Variants in IL1RAPL1 observed in about 807,000 individuals in gnomAD.
IL1RAPL1 encodes interleukin-1 receptor accessory protein-like 1.
IL1RAPL1 carries 3 observed loss-of-function variants against 48.4 expected under a neutral mutation model. That is an observed-to-expected ratio of 0.06 (90% confidence interval 0.03 to 0.16). IL1RAPL1 has a LOEUF of 0.16. Among genes scored for constraint, IL1RAPL1 ranks in the 10% least tolerant of loss-of-function variants. The pLI, the probability that IL1RAPL1 is intolerant of heterozygous loss-of-function variation, is 1.00. For missense variants in IL1RAPL1, 349 were observed against 530.6 expected (o/e 0.66, Z 3.36); for synonymous variants, 185 against 187.7 (o/e 0.99, Z 0.12).
At chrX:29,051,288 C>A (rs1398612395) in intron 2 of IL1RAPL1, among the ~76,000 whole-genome samples, 1 of 111,448 alleles carries the variant, frequency 9.0e-6, no homozygotes, top group Non-Finnish European at 1.9e-5. Flanking sequence ...AAAATTACTC[C>A]AAAATGGTGT....
intron 2 of IL1RAPL1, among the ~76,000 whole-genome samples, chrX:29,247,012 A>T (rs1382462526): frequency 1.8e-5 from 2 of 112,321 alleles, no homozygotes; most frequent in Non-Finnish European, 3.8e-5. Context: ...GATGTGAAAA[A>T]ATAGTTTGTT....
chrX:28,783,101 T>G, intron 1 of IL1RAPL1, among the ~76,000 whole-genome samples: 1 of 111,467 alleles, frequency 9.0e-6, no homozygotes, highest in East Asian at 2.8e-4. Context: ...ACTTTTCAGC[T>G]TCACCTGGTG....
intron 1 of IL1RAPL1, among the ~76,000 whole-genome samples, chrX:28,672,502 A>C (rs975803023): frequency 9.0e-6 from 1 of 111,326 alleles, no homozygotes; most frequent in African/African-American, 3.3e-5. Flanking sequence ...AGCGGAGTCT[A>C]CCACTGCTGC....
intron 2 of IL1RAPL1, among the ~76,000 whole-genome samples, chrX:28,917,035 G>A (rs1443760695): frequency 9.0e-6 from 1 of 111,229 alleles, no homozygotes; most frequent in Non-Finnish European, 1.9e-5. Context: ...TTCCTACTAA[G>A]AAACTCCTTT....
chrX:29,792,947 A>C (rs2147163425), intron 6 of IL1RAPL1, among the ~76,000 whole-genome samples: 1 of 111,864 alleles, frequency 8.9e-6, no homozygotes, highest in African/African-American at 3.2e-5. Context: ...GAGGTAAGGC[A>C]TTTGTTAACT....
At chrX:29,364,492 G>C (rs1198799034) in intron 3 of IL1RAPL1, among the ~76,000 whole-genome samples, 5 of 106,037 alleles carry the variant, frequency 4.7e-5, no homozygotes, top group African/African-American at 1.4e-4. Context: ...GAACCCGGGA[G>C]GTGGAGGTTG....
intron 1 of IL1RAPL1, among the ~76,000 whole-genome samples, chrX:28,649,836 G>T (rs1157583782): frequency 8.9e-6 from 1 of 111,884 alleles, no homozygotes; most frequent in Non-Finnish European, 1.9e-5. Context: ...TAAGTGCCCT[G>T]TTTGCTACCA....
intron 5 of IL1RAPL1, among the ~76,000 whole-genome samples, chrX:29,553,450 G>A (rs1265180865): frequency 9.0e-6 from 1 of 111,488 alleles, no homozygotes; most frequent in Non-Finnish European, 1.9e-5. Context: ...TGGTTGTAGA[G>A]TGTTGAGGAG....
chrX:29,842,257 T>A (rs1931150982), intron 6 of IL1RAPL1, among the ~76,000 whole-genome samples: 2 of 112,287 alleles, frequency 1.8e-5, no homozygotes, highest in Non-Finnish European at 3.8e-5. Flanking sequence ...GGCCTCCATT[T>A]TAGGATTCCA....
chrX:29,037,752 A>G (rs769052729), intron 2 of IL1RAPL1, among the ~76,000 whole-genome samples: 1 of 111,958 alleles, frequency 8.9e-6, no homozygotes, highest in African/African-American at 3.2e-5. Context: ...AATATACCTC[A>G]GCTGTCAGGA....
In IL1RAPL1 at chrX:28,652,118, C is replaced by A. The variant is rs775985959; in HGVS notation, c.-25+64071C>A. 4.5e-5 allele frequency among the ~76,000 whole-genome samples: 5 copies of A among 111,190 alleles called. No individual in the cohort carries two copies. The East Asian group carries it at 1.4e-3, about 32-fold the overall frequency. ...AGGGCAGTACTTCCAGCTACTCAAA[C>A]CTTGATTTTTATTCCAGCCCTGAGT... On this transcript the variant is annotated intron_variant, in intron 1 of 10. Coordinates refer to ENST00000378993, the MANE Select transcript of IL1RAPL1 (RefSeq NM_014271.4).
intron 5 of IL1RAPL1, among the ~76,000 whole-genome samples, chrX:29,612,600 G>A (rs772104733): frequency 9.0e-6 from 1 of 111,212 alleles, no homozygotes; most frequent in South Asian, 3.8e-4. Context: ...AAGGATCCTA[G>A]ACTTTATCAC....
intron 2 of IL1RAPL1, among the ~76,000 whole-genome samples, chrX:28,837,013 T>A (rs1921238510): frequency 9.1e-6 from 1 of 109,645 alleles, no homozygotes; most frequent in Non-Finnish European, 1.9e-5. Context: ...AGGATGGGAG[T>A]GGAAGATAAA....
intron 5 of IL1RAPL1, among the ~76,000 whole-genome samples, chrX:29,652,190 C>G (rs1467648627): frequency 1.8e-5 from 2 of 111,822 alleles, no homozygotes; most frequent in East Asian, 5.6e-4. Flanking sequence ...TTCTGTTTTA[C>G]CTGTTATGAA....
At chrX:29,946,418 C>A (rs944730279) in intron 9 of IL1RAPL1, among the ~76,000 whole-genome samples, 1 of 111,530 alleles carries the variant, frequency 9.0e-6, no homozygotes, top group African/African-American at 3.3e-5. Flanking sequence ...TGAGAATGAA[C>A]CTAAGACAAT....
chrX:28,598,657 C>T lies in IL1RAPL1; in HGVS notation c.-25+10610C>T, dbSNP rs187590252. 4.8e-3 allele frequency among the ~76,000 whole-genome samples: 445 copies of T among 92,172 alleles called. 2 individuals are homozygous for T. Among genetic ancestry groups the T allele is most frequent in the Non-Finnish European group, 7.9e-3 (372 of 46,848 alleles). The allele number at this position is 92,172 out of a possible 115,157, so 80.0% of individuals were successfully genotyped here. A position where few individuals can be genotyped will look rare whatever the true frequency, so the allele number is the denominator to read the frequency against. The stretch of plus-strand genomic sequence containing the variant: ...TTTTTTTTTTTTTGAGATGGAGTTT[C>T]GCTCTTTTTTGCCCAGGCTGGAGTG... On this transcript the variant is annotated intron_variant, in intron 1 of 10. Transcript: ENST00000378993.
At chrX:29,399,132 A>C (rs1314536974) in intron 4 of IL1RAPL1, 23 bp from the exon 5 acceptor site, 2 of 1,174,187 alleles carry the variant, frequency 1.7e-6, no homozygotes, top group East Asian at 6.0e-5. Context: ...ATGTACTACC[A>C]AAATTGTATG....
chrX:29,389,347 C>T (rs1432388908), intron 3 of IL1RAPL1, among the ~76,000 whole-genome samples: 3 of 78,273 alleles, frequency 3.8e-5, no homozygotes, highest in Non-Finnish European at 7.4e-5. Flanking sequence ...TAGAGCGAGA[C>T]TCCATCTCAA....
intron 5 of IL1RAPL1, among the ~76,000 whole-genome samples, chrX:29,457,867 TGA>T (rs1435877438): frequency 2.7e-5 from 3 of 112,555 alleles, no homozygotes; most frequent in African/African-American, 9.7e-5. Context: ...TGTTATTTTT[TGA>T]CTTTTCAAAT....
Sources: gnomAD v4.1 joint callset for allele counts (sites outside exome capture counted in the v4.1 genomes callset) on GRCh38, gnomAD v4.1.1 for gene constraint, MANE v1.5 for transcripts, NCBI Gene and HGNC (gene_info 2026-07-23, HGNC 2026-07-21) for gene names.